PTPRG: variants seen among roughly 807,000 people sequenced by gnomAD.
PTPRG encodes the protein receptor-type tyrosine-protein phosphatase gamma.
A neutral mutation model predicts 165.3 loss-of-function variants in PTPRG; 102 were observed. The observed-to-expected ratio is 0.62, with a 90% CI of 0.53 to 0.73. The LOEUF (loss-of-function observed/expected upper bound fraction) is 0.73, where lower values mean the gene tolerates loss of function less well. PTPRG is among the 30% of genes least tolerant of loss of function. The pLI is 0.00. For missense variants in PTPRG, 1,866 were observed against 1,861.4 expected (o/e 1.00, Z -0.05); for synonymous variants, 675 against 669.5 (o/e 1.01, Z -0.13).
intron 2 of PTPRG, chr3:61,753,665 AC>A (rs1230955525): frequency 2.4e-6 from 1 of 423,844 alleles, no homozygotes; most frequent in East Asian, 7.3e-5. Flanking sequence ...GCTCACTGCA[AC>A]CCCCCAACCC....
intron 4 of PTPRG, among the ~76,000 whole-genome samples, chr3:62,014,701 C>G (rs1020493427): frequency 6.6e-6 from 1 of 152,156 alleles, no homozygotes; most frequent in African/African-American, 2.4e-5. Flanking sequence ...TCTGTGTTTG[C>G]TTCTTTGAAT....
intron 1 of PTPRG, among the ~76,000 whole-genome samples, chr3:61,725,403 T>C (rs774579849): frequency 3.3e-4 from 50 of 152,240 alleles, no homozygotes; most frequent in Admixed American, 9.2e-4. Context: ...CTTTGTATTT[T>C]ATTTTTTAAA....
intron 1 of PTPRG, among the ~76,000 whole-genome samples, chr3:61,625,508 G>C (rs28626394): frequency 0.027 from 4,179 of 152,096 alleles, 169 homozygotes; most frequent in African/African-American, 0.095. Context: ...GGTAATGATC[G>C]GCTCTTAGGA....
chr3:61,966,920 T>C (rs550494833), intron 2 of PTPRG, among the ~76,000 whole-genome samples: 1 of 152,318 alleles, frequency 6.6e-6, no homozygotes, highest in East Asian at 1.9e-4. Flanking sequence ...GCCGAAGTTT[T>C]CTCCTAGCCA....
intron 4 of PTPRG, among the ~76,000 whole-genome samples, chr3:62,062,382 G>A (rs764124695): frequency 2.0e-5 from 3 of 152,070 alleles, no homozygotes; most frequent in Non-Finnish European, 4.4e-5. Context: ...TGTTAAGGGA[G>A]GTATCTAGGT....
chr3:62,169,396 T>G (rs1438899004), intron 8 of PTPRG, among the ~76,000 whole-genome samples: 3 of 152,212 alleles, frequency 2.0e-5, no homozygotes, highest in Non-Finnish European at 4.4e-5. Flanking sequence ...ATTATTTTTT[T>G]AACCTATTAT....
At chr3:62,038,051 C>G (rs1559760486) in intron 4 of PTPRG, among the ~76,000 whole-genome samples, 2 of 152,138 alleles carry the variant, frequency 1.3e-5, no homozygotes. Context: ...AGTGTCAAGT[C>G]AAATAGGCCA....
chr3:61,885,691 CCTCTCCTCTCT>C (rs2038014580), intron 2 of PTPRG, among the ~76,000 whole-genome samples: 1 of 120,880 alleles, frequency 8.3e-6, no homozygotes, highest in Non-Finnish European at 1.8e-5. Context: ...CCTCTCCTCT[CCTCTCCTCTCT>C]CGACAGGGTC....
chr3:61,796,056 T>C (rs956559140), intron 2 of PTPRG, among the ~76,000 whole-genome samples: 1 of 152,228 alleles, frequency 6.6e-6, no homozygotes, highest in Admixed American at 6.5e-5. Flanking sequence ...TGGGCATTAA[T>C]ATTAGCAAAT....
chr3:61,751,961 T>A (rs2033451394), intron 2 of PTPRG, among the ~76,000 whole-genome samples: 1 of 151,644 alleles, frequency 6.6e-6, no homozygotes, highest in Admixed American at 6.6e-5. Flanking sequence ...CCCACTGCAC[T>A]CCAGCCTGGG....
intron 2 of PTPRG, among the ~76,000 whole-genome samples, chr3:61,923,475 T>C (rs966670582): frequency 7.9e-5 from 12 of 151,968 alleles, no homozygotes; most frequent in African/African-American, 2.7e-4. Context: ...GTTACATACG[T>C]ATACATGTGC....
intron 7 of PTPRG, among the ~76,000 whole-genome samples, chr3:62,157,822 A>ATACCATTGATTGAGTTCATTCG (rs1704597412): frequency 6.6e-6 from 1 of 152,244 alleles, no homozygotes; most frequent in Admixed American, 6.5e-5. Flanking sequence ...GAAATAAAAC[A>ATACCATTGATTGAGTTCATTCG]TACCATTGAT....
At chr3:61,887,314 TCTAA>T (rs571899937) in intron 2 of PTPRG, among the ~76,000 whole-genome samples, 55 of 151,814 alleles carry the variant, frequency 3.6e-4, no homozygotes, top group South Asian at 8.3e-4. Flanking sequence ...ATTTCTTTGC[TCTAA>T]CTAAGAGCCA....
chr3:61,901,630 C>T (rs1007155549), intron 2 of PTPRG, among the ~76,000 whole-genome samples: 1 of 152,168 alleles, frequency 6.6e-6, no homozygotes, highest in Non-Finnish European at 1.5e-5. Context: ...TTTGTACTGT[C>T]TATTGACTGG....
chr3:62,104,590 A>T (rs1702408799), intron 5 of PTPRG, among the ~76,000 whole-genome samples: 1 of 152,208 alleles, frequency 6.6e-6, no homozygotes, highest in South Asian at 2.1e-4. Context: ...TTTCGTAGCA[A>T]TTTCAGTGTC....
rs370901475 is a variant in PTPRG at position 61,614,595 on chromosome 3, T to G, written c.85+52223T>G. 6.6e-5 allele frequency among the ~76,000 whole-genome samples: 10 copies of G among 151,974 alleles called. 1 individual carries two copies. In the East Asian group the frequency reaches 7.8e-4, roughly 12 times the overall value. The stretch of plus-strand genomic sequence containing the variant: ...CAGCTAATTTTTTTGGTGTATTTTA[T>G]GAGATGGGGTTTTAGCATGCTGCTC... On this transcript the variant is annotated intron_variant, in intron 1 of 29. Coordinates refer to ENST00000474889, the MANE Select transcript of PTPRG (RefSeq NM_002841.4).
chr3:61,890,412 G>GTTTTTTTTTTTTTTTTTTTTTTT lies in PTPRG; in HGVS notation c.191-99203_191-99202insTTTTTTTTTTTTTTTTTTTTTTT, dbSNP rs1388100597. ...GTTTTGGGCGGGTTTCTTGTTCTTT[G>GTTTTTTTTTTTTTTTTTTTTTTT]TTTTTTTTTTGTTTTTTTTTTTTTT... On this transcript the variant is annotated intron_variant, in intron 2 of 29. Coordinates refer to ENST00000474889, the MANE Select transcript of PTPRG (RefSeq NM_002841.4). Among the ~76,000 whole-genome samples the GTTTTTTTTTTTTTTTTTTTTTTT allele has an allele frequency of 1.2e-4, 11 of 95,422 alleles. 1 individual carries two copies. Among genetic ancestry groups the GTTTTTTTTTTTTTTTTTTTTTTT allele is most frequent in the African/African-American group, 4.1e-4 (9 of 21,904 alleles). 62.6% of individuals were successfully genotyped at this position (95,422 alleles called of 152,430 possible). A position where few individuals can be genotyped will look rare whatever the true frequency, so the allele number is the denominator to read the frequency against.
chr3:62,075,638 C>T (rs1056339086), intron 4 of PTPRG, among the ~76,000 whole-genome samples: 6 of 152,196 alleles, frequency 3.9e-5, no homozygotes, highest in African/African-American at 1.2e-4. Flanking sequence ...TTTGGGCTAC[C>T]TGATTGCCCT....
At chr3:61,935,909 T>G (rs2039473812) in intron 2 of PTPRG, among the ~76,000 whole-genome samples, 1 of 152,220 alleles carries the variant, frequency 6.6e-6, no homozygotes, top group South Asian at 2.1e-4. Flanking sequence ...TCAAAATGCG[T>G]GTTGAAACTT....
Sources: allele counts gnomAD v4.1 joint callset (sites outside exome capture counted in the v4.1 genomes callset), GRCh38; gene constraint gnomAD v4.1.1; transcripts MANE v1.5; gene names NCBI Gene and HGNC (gene_info 2026-07-23, HGNC 2026-07-21).